MYRIP: variants seen among roughly 807,000 people sequenced by gnomAD.
The protein encoded by MYRIP is rab effector MyRIP.
A neutral mutation model predicts 98.0 loss-of-function variants in MYRIP; 49 were observed. The observed-to-expected ratio is 0.50, with a 90% CI of 0.40 to 0.63. The LOEUF is 0.63. Among genes scored for constraint, MYRIP ranks in the 30% least tolerant of loss-of-function variants. MYRIP has a pLI of 0.00. For missense variants in MYRIP, 1,004 were observed against 1,058.2 expected, an observed-to-expected ratio of 0.95 and a Z score of 0.71; for synonymous variants, 404 against 409.5, an observed-to-expected ratio of 0.99 and a Z score of 0.16.
chr3:39,869,403 G>A (rs1942716901), intron 1 of MYRIP, among the ~76,000 whole-genome samples: 1 of 150,920 alleles, frequency 6.6e-6, no homozygotes, highest in African/African-American at 2.4e-5. Flanking sequence ...ATTTTAATTT[G>A]TTTTTTTTCA....
intron 2 of MYRIP, among the ~76,000 whole-genome samples, chr3:39,931,164 C>A (rs1390882374): frequency 2.0e-5 from 3 of 151,956 alleles, no homozygotes; most frequent in Non-Finnish European, 4.4e-5. Flanking sequence ...GTGATTTAAT[C>A]CACAAACATG....
chr3:40,127,938 C>A (rs566548542), intron 3 of MYRIP, among the ~76,000 whole-genome samples: 15 of 152,306 alleles, frequency 9.8e-5, no homozygotes, highest in South Asian at 6.2e-4. Context: ...TCTGAGATGC[C>A]TCACCATTTT....
chr3:40,187,332 TTCAGTAGCTGGGGA>T (rs1951066426), intron 9 of MYRIP, among the ~76,000 whole-genome samples: 1 of 152,180 alleles, frequency 6.6e-6, no homozygotes, highest in South Asian at 2.1e-4. Flanking sequence ...CGCTAGTAAA[TTCAGTAGCTGGGGA>T]TCAGCCCTGC....
At chr3:39,945,490 A>C (rs1396318063) in intron 2 of MYRIP, among the ~76,000 whole-genome samples, 3 of 131,274 alleles carry the variant, frequency 2.3e-5, no homozygotes, top group African/African-American at 1.0e-4. Flanking sequence ...AAAAAAAAAA[A>C]AGAAAAAAGA....
intron 3 of MYRIP, chr3:40,071,217 A>G: frequency 1.0e-6 from 1 of 984,692 alleles, no homozygotes; most frequent in Non-Finnish European, 1.2e-6. Context: ...CCTCAGGCCC[A>G]TCGGGTAAAC....
In MYRIP at chr3:39,923,075, G is replaced by T. The variant is rs938236049; in HGVS notation, c.110+22149G>T. Among the ~76,000 whole-genome samples, 3 of 152,220 alleles carry T rather than the reference G, an allele frequency of 2.0e-5. No individual in the cohort carries two copies. The East Asian group carries it at 5.8e-4, about 29-fold the overall frequency. On this transcript the variant is annotated intron_variant, in intron 2 of 16. Coordinates refer to ENST00000302541, the MANE Select transcript of MYRIP (RefSeq NM_015460.4). Reference sequence around the variant, plus strand: ...TTTAGATGTGAAAAATGCAATAACTGAAGCTCAATAGCAGAACAGAAGAAA... The same window carrying T: ...TTTAGATGTGAAAAATGCAATAACTTAAGCTCAATAGCAGAACAGAAGAAA...
chr3:40,212,233 CACACACACACACATAT>C lies in MYRIP; in HGVS notation c.1905+2142_1905+2157del, dbSNP rs1951974580. 4.4e-5 allele frequency among the ~76,000 whole-genome samples: 2 copies of C among 45,594 alleles called. 1 individual carries two copies. Among genetic ancestry groups the C allele is most frequent in the Non-Finnish European group, 1.3e-4 (2 of 14,994 alleles). The allele number at this position is 45,594 out of a possible 152,430, so 29.9% of individuals were successfully genotyped here. Reference sequence around the variant, plus strand: ...GTGTGTATATATATATATACACACACACACACACACACATATATATATATACACGTATATATATAGA... The same window carrying C: ...GTGTGTATATATATATATACACACACATATATATACACGTATATATATAGA... On this transcript the variant is annotated intron_variant, in intron 11 of 16. Transcript: ENST00000302541.
chr3:40,053,972 G>A (rs1947837799), intron 3 of MYRIP, among the ~76,000 whole-genome samples: 2 of 152,152 alleles, frequency 1.3e-5, no homozygotes, highest in Non-Finnish European at 2.9e-5. Context: ...ACACAGCATA[G>A]TGGCCTCACA....
intron 3 of MYRIP, among the ~76,000 whole-genome samples, chr3:40,108,382 A>T (rs1293889284): frequency 1.3e-5 from 2 of 148,546 alleles, no homozygotes; most frequent in African/African-American, 2.6e-5. Context: ...CTTGCAGAGA[A>T]GAGATGCCAG....
rs1004862113 is a variant in MYRIP, at chr3:40,077,190, T to C, written c.332+32919T>C. 1.4e-4 allele frequency among the ~76,000 whole-genome samples: 21 copies of C among 152,254 alleles called. No individual in the cohort carries two copies. The East Asian group carries it at 3.5e-3, about 25-fold the overall frequency. On this transcript the variant is annotated intron_variant, in intron 3 of 16. Coordinates refer to ENST00000302541, the MANE Select transcript of MYRIP (RefSeq NM_015460.4). The stretch of plus-strand genomic sequence containing the variant: ...CCTTCGCGGTGAGTGTTACAGCTCA[T>C]AAAACAGCGTGGACCCAAAGAGTGA...
At chr3:39,820,352 G>C (rs1420883415) in intron 1 of MYRIP, among the ~76,000 whole-genome samples, 1 of 150,304 alleles carries the variant, frequency 6.7e-6, no homozygotes, top group African/African-American at 2.5e-5. Context: ...TTGGGGAAAA[G>C]AAAAATACCC....
chr3:39,881,907 C>T (rs1404536326), intron 1 of MYRIP, among the ~76,000 whole-genome samples: 5 of 151,626 alleles, frequency 3.3e-5, no homozygotes, highest in South Asian at 2.1e-4. Flanking sequence ...CTTTTTTTCT[C>T]GTTTCTTCGT....
rs142822886 is a variant in MYRIP, at chr3:40,171,186, G to A, written c.873+1093G>A. On this transcript the variant is annotated intron_variant, in intron 8 of 16. Transcript: ENST00000302541. The stretch of plus-strand genomic sequence containing the variant: ...ACAAGTAGAAGACGCCATGCCCACC[G>A]TCCAGAGCTTTATAATCTGGTTAGC... 4.6e-4 allele frequency among the ~76,000 whole-genome samples: 70 copies of A among 152,006 alleles called. 1 individual carries two copies. The highest frequency in any genetic ancestry group is 7.8e-4 in the Non-Finnish European group (53 of 67,994).
At chr3:40,173,422 T>C (rs915673732) in intron 8 of MYRIP, 1 of 152,162 alleles carries the variant, frequency 6.6e-6, no homozygotes. Flanking sequence ...AAGCTGGAAG[T>C]AGTGTCCCTC....
At chr3:40,095,319 T>A (rs1948805571) in intron 3 of MYRIP, among the ~76,000 whole-genome samples, 1 of 152,186 alleles carries the variant, frequency 6.6e-6, no homozygotes, top group Admixed American at 6.5e-5. Flanking sequence ...CATCCTTCTT[T>A]GAGCAGAGAG....
intron 2 of MYRIP, among the ~76,000 whole-genome samples, chr3:40,012,506 C>T (rs566641655): frequency 3.2e-4 from 49 of 152,244 alleles, no homozygotes; most frequent in Admixed American, 1.4e-3. Flanking sequence ...TGAACTTGAC[C>T]GGGCCCCAGG....
At position 40,028,427 on chromosome 3, in the gene MYRIP, A is replaced by G. The variant is rs530065570; in HGVS notation, c.111-15623A>G. Among the ~76,000 whole-genome samples the G allele has an allele frequency of 3.2e-4, 48 of 152,322 alleles. 3 individuals are homozygous for G. In the South Asian group the frequency reaches 8.9e-3, roughly 28 times the overall value. ...CATTATTGCCCAGACGCTATTGCAG[A>G]AACCTTCTTGACATATAGCCAAATA... On this transcript the variant is annotated intron_variant, in intron 2 of 16. Transcript: ENST00000302541.
intron 3 of MYRIP, among the ~76,000 whole-genome samples, chr3:40,089,485 G>T (rs931092584): frequency 6.6e-6 from 1 of 152,150 alleles, no homozygotes; most frequent in Non-Finnish European, 1.5e-5. Context: ...TTCCATGCAG[G>T]TTCTTCCAGG....
chr3:39,836,617 A>G (rs530486852), intron 1 of MYRIP, among the ~76,000 whole-genome samples: 2 of 152,270 alleles, frequency 1.3e-5, no homozygotes, highest in East Asian at 3.9e-4. Context: ...GCGACAGATG[A>G]TTAAAGTACA....
Sources: gnomAD v4.1 joint callset for allele counts (sites outside exome capture counted in the v4.1 genomes callset) on GRCh38, gnomAD v4.1.1 for gene constraint, MANE v1.5 for transcripts, NCBI Gene and HGNC (gene_info 2026-07-23, HGNC 2026-07-21) for gene names.